The following MMAA variants were observed in gnomAD, a reference collection of about 807,000 sequenced individuals.
The protein encoded by MMAA is methylmalonic aciduria type A protein, mitochondrial.
In MMAA, 41 loss-of-function variants were observed where a neutral mutation model predicts 45.0. The ratio of observed to expected loss-of-function variants is 0.91; its 90% CI spans 0.71 to 1.18. MMAA has a LOEUF of 1.18. Among genes scored for constraint, MMAA ranks in the 50% most tolerant of loss-of-function variants. The pLI is 0.00. For missense variants in MMAA, 460 were observed against 495.7 expected, an observed-to-expected ratio of 0.93 and a Z score of 0.68; for synonymous variants, 154 against 178.2, an observed-to-expected ratio of 0.86 and a Z score of 1.08.
chr4:145,621,301 A>G (rs1361674280), intron 1 of MMAA, among the ~76,000 whole-genome samples: 6 of 152,208 alleles, frequency 3.9e-5, no homozygotes, highest in Admixed American at 2.0e-4. Flanking sequence ...AGCAGTGGGA[A>G]TCAAAACATT....
intron 1 of MMAA, chr4:145,625,365 G>GCTTTT: frequency 1.4e-6 from 1 of 701,564 alleles, no homozygotes; most frequent in Admixed American, 1.8e-5. Context: ...AGCCAGTCCT[G>GCTTTT]GGGGTTGGTG....
chr4:145,634,000 C>G (rs1219458136), intron 1 of MMAA, among the ~76,000 whole-genome samples: 2 of 152,218 alleles, frequency 1.3e-5, no homozygotes, highest in African/African-American at 4.8e-5. Context: ...TGTAACTGTA[C>G]TGGGTCAGAC....
rs773326191 is a variant in MMAA, at chr4:145,659,181, A to T, written c.*3747A>T. The T allele has an allele frequency of 1.3e-5, 2 of 152,356 alleles. No homozygotes were observed. Among genetic ancestry groups the T allele is most frequent in the South Asian group, 2.1e-4 (1 of 4,824 alleles). The allele number at this position is 152,356 out of a possible 1,614,324, so 9.4% of individuals were successfully genotyped here. A position where few individuals can be genotyped will look rare whatever the true frequency, so the allele number is the denominator to read the frequency against. ...TTTTAATTAAAATTTTTAAAATTTT[A>T]AAATTTACTAAATTTATGAACGTTT... On this transcript the variant is annotated 3_prime_UTR_variant, in exon 7 of 7. Transcript: ENST00000649156.
At chr4:145,650,875 G>T (rs1728068652) in intron 4 of MMAA, 187 bp from the exon 5 acceptor site, 2 of 633,902 alleles carry the variant, frequency 3.2e-6, no homozygotes, top group Non-Finnish European at 5.7e-6. Flanking sequence ...AAGGATAACG[G>T]GTTTGCTTAG....
At chr4:145,622,727 C>G (rs1183976970) in intron 1 of MMAA, among the ~76,000 whole-genome samples, 1 of 152,052 alleles carries the variant, frequency 6.6e-6, no homozygotes, top group Non-Finnish European at 1.5e-5. Context: ...GTGTGTTTGG[C>G]CTCAAAAAAG....
At position 145,652,126 on chromosome 4, in the gene MMAA, T is replaced by C. The variant is rs562123149; in HGVS notation, c.819+979T>C. 5.9e-5 allele frequency among the ~76,000 whole-genome samples: 9 copies of C among 152,184 alleles called. No homozygotes were observed. The East Asian group carries it at 1.4e-3, about 23-fold the overall frequency. On this transcript the variant is annotated intron_variant, in intron 5 of 6. Coordinates refer to ENST00000649156, the MANE Select transcript of MMAA (RefSeq NM_172250.3). ...AGGAGACAAATCAGGACCATCCAAATGAAGACACACATAAGAAGCCTGGGA... is the reference window on the plus strand; with the variant it reads ...AGGAGACAAATCAGGACCATCCAAACGAAGACACACATAAGAAGCCTGGGA...
intron 1 of MMAA, 44 bp downstream of exon 1, chr4:145,619,451 G>GCTCCCGCCTACGGCCGCC (rs971069464): frequency 1.3e-5 from 2 of 152,272 alleles, no homozygotes; most frequent in African/African-American, 4.8e-5. Flanking sequence ...TCGGGACTGG[G>GCTCCCGCCTACGGCCGCC]CTCCCGCCTA....
intron 1 of MMAA, chr4:145,624,985 G>A: frequency 1.9e-6 from 2 of 1,026,906 alleles, no homozygotes; most frequent in East Asian, 2.4e-5. Flanking sequence ...TGGTACAGGA[G>A]TCAGTCTTGA....
rs1560795970 is a variant in MMAA, at chr4:145,639,412, T to C, written c.273T>C (p.Thr91=). ...AAAGATTTGTGGATAAACTTTATAC[T>C]GGTTTAATCCAAGGGCAAAGGGCCT... ...KEQRFVDKLY[T]GLIQGQRACL... is the part of the protein sequence containing the mutation. The change falls in exon 2 of 7, where the codon ACT becomes ACC. Residue 91 remains threonine, a synonymous_variant. Coordinates refer to ENST00000649156, the MANE Select transcript of MMAA (RefSeq NM_172250.3). 1 of 1,614,224 alleles carries C rather than the reference T, an allele frequency of 6.2e-7. No homozygotes were observed. The highest frequency in any genetic ancestry group is 8.5e-7 in the Non-Finnish European group (1 of 1,180,036).
intron 1 of MMAA, chr4:145,624,575 C>T: frequency 1.6e-6 from 2 of 1,226,838 alleles, no homozygotes; most frequent in Non-Finnish European, 1.2e-6. Flanking sequence ...AAGGAACCAG[C>T]AATTCTAGAA....
rs114981022 is a variant in MMAA at position 145,638,614 on chromosome 4, C to T, written c.-65-461C>T. ...TACAAACATGTATCTAAACTTACAC[C>T]TGAAGTGCCCACCGTAGTAATCACA... On this transcript the variant is annotated intron_variant, in intron 1 of 6. Coordinates refer to ENST00000649156, the MANE Select transcript of MMAA (RefSeq NM_172250.3). Among the ~76,000 whole-genome samples, 763 of 152,266 alleles carry T rather than the reference C, an allele frequency of 5.0e-3. 6 individuals carry two copies. Among genetic ancestry groups the T allele is most frequent in the African/African-American group, 0.017 (719 of 41,550 alleles).
At chr4:145,654,698 A>G (rs1335660552) in intron 6 of MMAA, among the ~76,000 whole-genome samples, 3 of 152,170 alleles carry the variant, frequency 2.0e-5, no homozygotes, top group African/African-American at 7.2e-5. Context: ...TTCACCTCAT[A>G]TATACATGCA....
At chr4:145,654,681 G>A (rs1237752984) in intron 6 of MMAA, among the ~76,000 whole-genome samples, 1 of 152,118 alleles carries the variant, frequency 6.6e-6, no homozygotes, top group Non-Finnish European at 1.5e-5. Flanking sequence ...TCTGCATTGA[G>A]TCTGGATTCA....
At chr4:145,652,619 A>G (rs1234556685) in intron 5 of MMAA, among the ~76,000 whole-genome samples, 1 of 151,932 alleles carries the variant, frequency 6.6e-6, no homozygotes, top group African/African-American at 2.4e-5. Flanking sequence ...AGTCCCAGCT[A>G]CTTGGGAGGC....
intron 4 of MMAA, among the ~76,000 whole-genome samples, chr4:145,648,366 T>C (rs901569435): frequency 6.6e-6 from 1 of 152,084 alleles, no homozygotes; most frequent in Non-Finnish European, 1.5e-5. Flanking sequence ...CAGGCTGGTC[T>C]CCAGTGCCTG....
rs2126631653 is a variant in MMAA, at chr4:145,657,627, T to C, written c.*2193T>C. On this transcript the variant is annotated 3_prime_UTR_variant, in exon 7 of 7. Transcript: ENST00000649156. ...AATTAATTTAGAAATTGTACAGTGC[T>C]TAGCCTCAATAATTGGTAGGTGGTG... 1 of 152,356 alleles carries C rather than the reference T, an allele frequency of 6.6e-6. No homozygotes were observed. Among genetic ancestry groups the C allele is most frequent in the South Asian group, 2.1e-4 (1 of 4,828 alleles). The allele number at this position is 152,356 out of a possible 1,614,324, so 9.4% of individuals were successfully genotyped here.
chr4:145,638,412 T>C (rs1390067735), intron 1 of MMAA, among the ~76,000 whole-genome samples: 2 of 152,222 alleles, frequency 1.3e-5, no homozygotes, highest in Non-Finnish European at 2.9e-5. Flanking sequence ...GTTCAAACTT[T>C]AGTGTGAATC....
chr4:145,625,442 A>G, intron 1 of MMAA: 2 of 709,212 alleles, frequency 2.8e-6, no homozygotes, highest in Non-Finnish European at 5.4e-6. Flanking sequence ...GCTGAGAGGG[A>G]TAGCTGCAAT....
intron 4 of MMAA, 69 bp from the exon 5 acceptor site, chr4:145,650,993 G>A: frequency 7.4e-7 from 1 of 1,345,968 alleles, no homozygotes. Context: ...GAATGGAAAT[G>A]GTCAATGTAG....
Sources: gnomAD v4.1 joint callset for allele counts (sites outside exome capture counted in the v4.1 genomes callset) on GRCh38, gnomAD v4.1.1 for gene constraint, MANE v1.5 for transcripts, NCBI Gene and HGNC (gene_info 2026-07-23, HGNC 2026-07-21) for gene names.